XCR1: variants seen among roughly 807,000 people sequenced by gnomAD.
The protein encoded by XCR1 is chemokine XC receptor 1.
For synonymous variants in XCR1, 187 were observed against 188.5 expected (o/e 0.99, Z 0.06); for missense variants, 356 against 424.2 (o/e 0.84, Z 1.41).
At chr3:46,039,209 T>C (rs1370651821) in intron 5 of XCR1, among the ~76,000 whole-genome samples, 3 of 144,680 alleles carry the variant, frequency 2.1e-5, no homozygotes, top group Non-Finnish European at 4.6e-5. Context: ...TTGTGTGCTT[T>C]ACTTTGTTCT....
At chr3:46,081,295 C>A (rs1698358326) in intron 1 of XCR1, among the ~76,000 whole-genome samples, 1 of 152,176 alleles carries the variant, frequency 6.6e-6, no homozygotes, top group Admixed American at 6.5e-5. Flanking sequence ...CCTCTCCTGG[C>A]CAAAGGCTGT....
chr3:46,021,073 A>AC lies in XCR1; in HGVS notation c.874dup (p.Val292GlyfsTer37), dbSNP rs772431611. On this transcript the variant is annotated frameshift_variant, in exon 2 of 2. Transcript: ENST00000309285. LOFTEE classifies it low-confidence loss of function (END_TRUNC). The surrounding 1 kb of genome is among the most constrained non-coding windows in gnomAD (Gnocchi z 4.7). Reference sequence around the variant, plus strand: ...ATGTTTCAGGTGTGTGCGGAACTTGACCCCCACGAAGACATAGAGCACCGG... The same window carrying AC: ...ATGTTTCAGGTGTGTGCGGAACTTGACCCCCCACGAAGACATAGAGCACCGG... The AC allele has an allele frequency of 1.9e-4, 307 of 1,614,084 alleles. 1 individual carries two copies. Among genetic ancestry groups the AC allele is most frequent in the East Asian group, 4.5e-4 (20 of 44,872 alleles).
intron 5 of XCR1, among the ~76,000 whole-genome samples, chr3:46,051,136 C>G (rs1178589799): frequency 1.3e-5 from 2 of 152,212 alleles, no homozygotes; most frequent in Non-Finnish European, 2.9e-5. Flanking sequence ...TTCTGACGCT[C>G]TAGCTGCTTT....
chr3:46,038,114 G>A (rs1266117367), intron 5 of XCR1, among the ~76,000 whole-genome samples: 1 of 148,830 alleles, frequency 6.7e-6, no homozygotes, highest in African/African-American at 2.5e-5. Flanking sequence ...TGCAAACTCT[G>A]CCTCCCAGGT....
chr3:46,056,940 A>G (rs143274053), intron 4 of XCR1, among the ~76,000 whole-genome samples: 1 of 152,318 alleles, frequency 6.6e-6, no homozygotes, highest in East Asian at 1.9e-4. Flanking sequence ...AATAAAGCAA[A>G]ACTTAAAGCA....
intron 5 of XCR1, among the ~76,000 whole-genome samples, chr3:46,046,605 T>C (rs1434966580): frequency 6.6e-6 from 1 of 152,226 alleles, no homozygotes; most frequent in Non-Finnish European, 1.5e-5. Context: ...GTTTATGTAT[T>C]AATTGAAAGA....
chr3:46,077,740 G>A (rs908192856), intron 1 of XCR1, among the ~76,000 whole-genome samples: 31 of 152,132 alleles, frequency 2.0e-4, no homozygotes, highest in African/African-American at 7.5e-4. Context: ...CTTTGTATCA[G>A]TCCACTCCTT....
upstream of XCR1, among the ~76,000 whole-genome samples, chr3:46,030,822 C>T (rs374928465): frequency 6.6e-5 from 10 of 152,362 alleles, no homozygotes; most frequent in East Asian, 5.8e-4. Context: ...CTTGCATGGC[C>T]GGGCAGGACC....
At chr3:46,071,534 C>A (rs988013019) in intron 3 of XCR1, among the ~76,000 whole-genome samples, 3 of 152,016 alleles carry the variant, frequency 2.0e-5, no homozygotes, top group African/African-American at 7.2e-5. Flanking sequence ...CAACATTCCC[C>A]GTGAACATAG....
At chr3:46,052,744 G>A (rs976385914) in intron 5 of XCR1, among the ~76,000 whole-genome samples, 5 of 152,266 alleles carry the variant, frequency 3.3e-5, no homozygotes, top group East Asian at 1.9e-4. Context: ...CATAATCTGC[G>A]TTTGCATTCT....
chr3:46,020,647 T>C lies in XCR1; in HGVS notation c.*299A>G, dbSNP rs922881219. ...AATCCTTTCATGTCTTAGAACCTTC[T>C]GAACTAAACAGTGATTAGAAACACA... is the stretch of plus-strand genomic sequence containing the variant. On this transcript the variant is annotated 3_prime_UTR_variant, in exon 2 of 2. Coordinates refer to ENST00000309285, the MANE Select transcript of XCR1 (RefSeq NM_001024644.2). 1.4e-5 allele frequency: 6 copies of C among 420,854 alleles called. No homozygotes were observed. The East Asian group carries it at 2.6e-4, about 18-fold the overall frequency. The allele number at this position is 420,854 out of a possible 1,614,324, so 26.1% of individuals were successfully genotyped here.
At position 46,021,413 on chromosome 3, in the gene XCR1, C is replaced by T. The variant is rs754430378; in HGVS notation, c.535G>A (p.Glu179Lys). Residue 179 changes from glutamate (E) to lysine (K), a missense_variant, in exon 2 of 2, where the codon GAA becomes AAA. Physicochemically the swap from Glu to Lys is moderately conservative, Grantham distance 56 (BLOSUM62 1). Coordinates refer to ENST00000309285, the MANE Select transcript of XCR1 (RefSeq NM_001024644.2). The surrounding 1 kb of genome is among the most constrained non-coding windows in gnomAD (Gnocchi z 4.7). ...KVLSSGCDYS[E>K]LTWYLTSVYQ... ...ACGGAGGTGAGGTACCACGTGAGTT[C>T]GGAATAATCACAGCCCGAAGAAAGC... The T allele has an allele frequency of 3.8e-5, 61 of 1,613,928 alleles. No individual in the cohort carries two copies. Among genetic ancestry groups the T allele is most frequent in the Non-Finnish European group, 4.9e-5 (58 of 1,180,014 alleles).
At position 46,021,399 on chromosome 3, in the gene XCR1, G is replaced by C. The variant is rs1471172194; in HGVS notation, c.549C>G (p.Tyr183Ter). The C allele has an allele frequency of 1.2e-6, 2 of 1,614,186 alleles. No individual in the cohort carries two copies. Among genetic ancestry groups the C allele is most frequent in the Non-Finnish European group, 1.7e-6 (2 of 1,180,034 alleles). The change falls in exon 2 of 2, where the codon TAC (tyrosine) becomes TAG (stop). Residue 183 changes from tyrosine (Y) to a stop codon, truncating the protein, a stop_gained. Transcript: ENST00000309285. LOFTEE classifies it low-confidence loss of function (END_TRUNC). This position sits in a 1 kb window ranked among gnomAD's most constrained non-coding sequence, Gnocchi z 4.7. Reference sequence around the variant, plus strand: ...GGTTGTGCTGGTAGACGGAGGTGAGGTACCACGTGAGTTCGGAATAATCAC... The same window carrying C: ...GGTTGTGCTGGTAGACGGAGGTGAGCTACCACGTGAGTTCGGAATAATCAC... ...SGCDYSELTW[Y>*]LTSVYQHNLF...
At chr3:46,058,277 T>C (rs1483768070) in intron 4 of XCR1, among the ~76,000 whole-genome samples, 3 of 152,206 alleles carry the variant, frequency 2.0e-5, no homozygotes, top group African/African-American at 4.8e-5. Flanking sequence ...TTGATACCTT[T>C]GGGGCATTTA....
At chr3:46,085,742 C>T (rs750297172) in intron 1 of XCR1, among the ~76,000 whole-genome samples, 3 of 152,196 alleles carry the variant, frequency 2.0e-5, no homozygotes, top group Non-Finnish European at 4.4e-5. Flanking sequence ...TCCAAACCTC[C>T]CTCTTGAGCT....
chr3:46,047,729 C>T (rs900831066), intron 5 of XCR1, among the ~76,000 whole-genome samples: 3 of 152,202 alleles, frequency 2.0e-5, no homozygotes, highest in African/African-American at 7.2e-5. Context: ...GGGTGGCAGA[C>T]TGGGATTGGA....
Position 46,021,836 on chromosome 3 carries a change from A to G in XCR1, c.112T>C (p.Tyr38His). The G allele has an allele frequency of 6.2e-7, 1 of 1,614,122 alleles. No individual in the cohort carries two copies. Among genetic ancestry groups the G allele is most frequent in the South Asian group, 1.1e-5 (1 of 91,078 alleles). The change falls in exon 2 of 2, where the codon TAC (tyrosine) becomes CAC (histidine). Residue 38 changes from tyrosine (Y) to histidine (H), a missense_variant. Transcript: ENST00000309285. The surrounding 1 kb of genome is among the most constrained non-coding windows in gnomAD (Gnocchi z 4.7). ...AGGCTGAGGAGAAACACCAGGCAGTATAGGACAGTGGTGGCGAGGGTAGCA... is the reference window on the plus strand; with the variant it reads ...AGGCTGAGGAGAAACACCAGGCAGTGTAGGACAGTGGTGGCGAGGGTAGCA... ...VFATLATTVL[Y>H]CLVFLLSLVG... is the part of the protein sequence containing the mutation.
At chr3:46,062,114 C>G (rs1213660566) in intron 4 of XCR1, among the ~76,000 whole-genome samples, 1 of 152,142 alleles carries the variant, frequency 6.6e-6, no homozygotes, top group Non-Finnish European at 1.5e-5. Flanking sequence ...CAGGGCACCT[C>G]TGGGACTTTG....
chr3:46,062,093 A>C (rs1480309816), intron 4 of XCR1, among the ~76,000 whole-genome samples: 1 of 152,182 alleles, frequency 6.6e-6, no homozygotes, highest in Non-Finnish European at 1.5e-5. Context: ...TTGAGTCAGC[A>C]GAATTGGGCC....
Sources: gnomAD v4.1 joint callset for allele counts (sites outside exome capture counted in the v4.1 genomes callset) on GRCh38, gnomAD v4.1.1 for gene constraint, Gnocchi (gnomAD v3.1) non-coding constraint, MANE v1.5 for transcripts, NCBI Gene and HGNC (gene_info 2026-07-23, HGNC 2026-07-21) for gene names.